The following LUZP2 variants were observed in gnomAD, a reference collection of about 807,000 sequenced individuals.
LUZP2 encodes leucine zipper protein 2.
LUZP2 carries 52 observed loss-of-function variants against 51.6 expected under a neutral mutation model. The ratio of observed to expected loss-of-function variants is 1.01; its 90% confidence interval spans 0.81 to 1.27. The LOEUF is 1.27. Among genes scored for constraint, LUZP2 ranks in the 50% most tolerant of loss-of-function variants. The pLI, the probability that LUZP2 is intolerant of heterozygous loss-of-function variation, is 0.00. For synonymous variants in LUZP2, 154 were observed against 137.3 expected, an observed-to-expected ratio of 1.12 and a Z score of -0.85; for missense variants, 436 against 395.4, an observed-to-expected ratio of 1.10 and a Z score of -0.87.
At chr11:24,654,303 TTC>T (rs1464322177) in intron 1 of LUZP2, among the ~76,000 whole-genome samples, 9 of 152,246 alleles carry the variant, frequency 5.9e-5, no homozygotes, top group African/African-American at 2.2e-4. Flanking sequence ...TTATAAAATG[TTC>T]TGTTAAATAT....
At chr11:24,658,142 G>T (rs1855877929) in intron 1 of LUZP2, among the ~76,000 whole-genome samples, 1 of 152,122 alleles carries the variant, frequency 6.6e-6, no homozygotes, top group Admixed American at 6.6e-5. Context: ...AAAGAACAAA[G>T]CTGGAGGCAT....
rs191512550 is a variant in LUZP2, at chr11:24,719,932, T to C, written c.63-9237T>C. Among the ~76,000 whole-genome samples, 386 of 152,280 alleles carry C rather than the reference T, an allele frequency of 2.5e-3. 1 individual carries two copies. Among genetic ancestry groups the C allele is most frequent in the Non-Finnish European group, 3.9e-3 (267 of 68,012 alleles). On this transcript the variant is annotated intron_variant, in intron 1 of 11. Coordinates refer to ENST00000336930, the MANE Select transcript of LUZP2 (RefSeq NM_001009909.4). ...AATTCAACCATAGAAGTAGAGTCAT[T>C]GGCTGATGAACAAAAGATCGCAAAT...
chr11:24,777,474 G>A (rs1317800019), intron 5 of LUZP2, among the ~76,000 whole-genome samples: 1 of 152,056 alleles, frequency 6.6e-6, no homozygotes, highest in Admixed American at 6.6e-5. Context: ...ATATACTTAA[G>A]ACTTAGTATA....
intron 4 of LUZP2, among the ~76,000 whole-genome samples, chr11:24,752,198 A>T (rs1317911514): frequency 1.3e-5 from 2 of 152,184 alleles, no homozygotes; most frequent in Non-Finnish European, 2.9e-5. Flanking sequence ...AAATTTTAAA[A>T]TATCAAAATA....
At chr11:24,978,214 T>G (rs1855934248) in intron 8 of LUZP2, among the ~76,000 whole-genome samples, 1 of 151,714 alleles carries the variant, frequency 6.6e-6, no homozygotes, top group Admixed American at 6.6e-5. Context: ...TTAAAAAAAT[T>G]TATATAAAAC....
intron 5 of LUZP2, among the ~76,000 whole-genome samples, chr11:24,777,632 T>C (rs1448094049): frequency 6.6e-6 from 1 of 152,174 alleles, no homozygotes; most frequent in Admixed American, 6.5e-5. Context: ...CTGTTTAACT[T>C]CTATATAAAA....
chr11:25,038,623 C>A (rs1419091239), intron 9 of LUZP2, among the ~76,000 whole-genome samples: 1 of 152,198 alleles, frequency 6.6e-6, no homozygotes. Flanking sequence ...TCCTTGCCAT[C>A]CAGATTCTGA....
At chr11:24,589,452 C>A (rs1191708413) in intron 1 of LUZP2, among the ~76,000 whole-genome samples, 1 of 152,162 alleles carries the variant, frequency 6.6e-6, no homozygotes, top group Non-Finnish European at 1.5e-5. Flanking sequence ...TCCATGACTT[C>A]ATTATCTGTG....
At chr11:24,796,491 CTGTGTGTGTGTGTGTGTGTG>C (rs57329413) in intron 5 of LUZP2, among the ~76,000 whole-genome samples, 10 of 124,616 alleles carry the variant, frequency 8.0e-5, no homozygotes, top group Non-Finnish European at 1.2e-4. Flanking sequence ...TAATAATAAT[CTGTGTGTGTGTGTGTGTGTG>C]TGTGTGTGTG....
At chr11:25,006,868 G>A (rs550902279) in intron 9 of LUZP2, among the ~76,000 whole-genome samples, 5 of 152,256 alleles carry the variant, frequency 3.3e-5, no homozygotes, top group African/African-American at 1.2e-4. Flanking sequence ...AAGAGTGAAA[G>A]AACAAAGCTT....
intron 1 of LUZP2, among the ~76,000 whole-genome samples, chr11:24,593,252 T>G (rs1311251754): frequency 6.6e-6 from 1 of 152,226 alleles, no homozygotes; most frequent in East Asian, 1.9e-4. Flanking sequence ...GCAAATGTCT[T>G]ACATTATAAA....
chr11:24,676,123 A>T (rs1025655189), intron 1 of LUZP2, among the ~76,000 whole-genome samples: 1 of 152,026 alleles, frequency 6.6e-6, no homozygotes, highest in African/African-American at 2.4e-5. Context: ...CTAGCCTCAC[A>T]TTTCTTAAAG....
intron 1 of LUZP2, among the ~76,000 whole-genome samples, chr11:24,599,394 A>G (rs1853548788): frequency 6.6e-6 from 1 of 151,954 alleles, no homozygotes; most frequent in South Asian, 2.1e-4. Context: ...TTGCAAGTTT[A>G]CTCTCCACTC....
chr11:24,775,747 CT>C (rs1405199334), intron 5 of LUZP2, among the ~76,000 whole-genome samples: 1 of 152,092 alleles, frequency 6.6e-6, no homozygotes, highest in Non-Finnish European at 1.5e-5. Flanking sequence ...ATCTGGGTCA[CT>C]TTTTCGGTTC....
intron 5 of LUZP2, among the ~76,000 whole-genome samples, chr11:24,804,505 T>G (rs1849795763): frequency 6.6e-6 from 1 of 152,134 alleles, no homozygotes; most frequent in South Asian, 2.1e-4. Context: ...TGTTTACTTG[T>G]TTGGACAGCC....
intron 3 of LUZP2, among the ~76,000 whole-genome samples, chr11:24,736,760 T>A (rs1280531762): frequency 6.6e-6 from 1 of 151,972 alleles, no homozygotes; most frequent in Non-Finnish European, 1.5e-5. Flanking sequence ...AGATTTTATA[T>A]GTCCATATAT....
chr11:24,892,449 T>C (rs1386381092), intron 5 of LUZP2: 1 of 909,430 alleles, frequency 1.1e-6, no homozygotes, highest in Non-Finnish European at 1.3e-6. Flanking sequence ...TAATTCAACA[T>C]TTATACCATC....
chr11:24,674,050 T>C (rs1856474846), intron 1 of LUZP2, among the ~76,000 whole-genome samples: 1 of 152,202 alleles, frequency 6.6e-6, no homozygotes, highest in Admixed American at 6.5e-5. Context: ...ACAGCCACAG[T>C]TTATAAGATA....
intron 5 of LUZP2, among the ~76,000 whole-genome samples, chr11:24,787,340 A>G (rs1249098245): frequency 2.0e-5 from 3 of 152,168 alleles, no homozygotes; most frequent in African/African-American, 4.8e-5. Flanking sequence ...TATTTCCTTC[A>G]GCTATAGCAA....
Sources: allele counts gnomAD v4.1 joint callset (sites outside exome capture counted in the v4.1 genomes callset), GRCh38; gene constraint gnomAD v4.1.1; transcripts MANE v1.5; gene names NCBI Gene and HGNC (gene_info 2026-07-23, HGNC 2026-07-21).